Variants in NAV1 observed in about 807,000 individuals in gnomAD.
NAV1 encodes neuron navigator 1.
NAV1 carries 18 observed loss-of-function variants against 175.2 expected under a neutral mutation model. The observed-to-expected ratio is 0.10, with a 90% CI of 0.07 to 0.15. The LOEUF (loss-of-function observed/expected upper bound fraction) is 0.15. Among genes scored for constraint, NAV1 ranks in the 10% least tolerant of loss-of-function variants. The pLI is 1.00. For missense variants in NAV1, 1,731 were observed against 2,436.6 expected (o/e 0.71, Z 6.10); for synonymous variants, 897 against 978.7 (o/e 0.92, Z 1.56).
Position 201,740,189 on chromosome 1 carries a change from G to C in NAV1, c.1226+21434G>C, listed in dbSNP as rs1199644804. On this transcript the variant is annotated intron_variant, in intron 3 of 29. Transcript: ENST00000367296. The surrounding 1 kb of genome is among the most constrained non-coding windows in gnomAD (Gnocchi z 4.7). ...AGTTCCGCCGCAGCTGCAGTCTCAG[G>C]GGCAGTGGGTGTGGGGTCCGCAAGA... The C allele has an allele frequency of 9.1e-6, 8 of 878,156 alleles. No homozygotes were observed. Among genetic ancestry groups the C allele is most frequent in the Non-Finnish European group, 1.3e-5 (8 of 602,938 alleles). The allele number at this position is 878,156 out of a possible 1,614,324, so 54.4% of individuals were successfully genotyped here. A position where few individuals can be genotyped will look rare whatever the true frequency, so the allele number is the denominator to read the frequency against.
Position 201,698,884 on chromosome 1 carries a change from A to G in NAV1, c.758-13933A>G, listed in dbSNP as rs549678644. Among the ~76,000 whole-genome samples, 7 of 152,296 alleles carry G rather than the reference A, an allele frequency of 4.6e-5. No individual in the cohort carries two copies. In the South Asian group the frequency reaches 1.5e-3, roughly 32 times the overall value. ...GTTCTCTTCTGCCGCTAACTCAAAT[A>G]TATATCATCTGGCAAGTCTCTGTCT... On this transcript the variant is annotated intron_variant, in intron 1 of 29. Transcript: ENST00000367296.
chr1:201,794,182 G>A (rs770903357), intron 14 of NAV1: 24 of 640,482 alleles, frequency 3.7e-5, no homozygotes, highest in African/African-American at 2.5e-4. Context: ...ATGGAGTTTC[G>A]TTCTTGTCAC....
chr1:201,609,478 A>G (rs1467356677), intron 2 of NAV1, among the ~76,000 whole-genome samples: 1 of 152,218 alleles, frequency 6.6e-6, no homozygotes, highest in Non-Finnish European at 1.5e-5. Context: ...AGGACCCTTC[A>G]TCCCTTGCCC....
chr1:201,708,383 C>T (rs1274944378), intron 1 of NAV1, among the ~76,000 whole-genome samples: 2 of 151,882 alleles, frequency 1.3e-5, no homozygotes, highest in Non-Finnish European at 1.5e-5. Context: ...TTGGTGTCGC[C>T]CTGGGGCCTG....
At chr1:201,549,089 TTCTTTCTTTCTTTC>T (rs1665755976) in intron 1 of NAV1, among the ~76,000 whole-genome samples, 1 of 106,812 alleles carries the variant, frequency 9.4e-6, no homozygotes, top group South Asian at 3.8e-4. Context: ...CTTTCTTTCT[TTCTTTCTTTCTTTC>T]TTTCTTTCTT....
intron 1 of NAV1, among the ~76,000 whole-genome samples, chr1:201,577,430 C>T (rs1666720031): frequency 6.7e-6 from 1 of 148,812 alleles, no homozygotes; most frequent in African/African-American, 2.5e-5. Context: ...TTTAAACACA[C>T]AATCCATTTG....
rs552853824 is a variant in NAV1, at chr1:201,661,773, CAGCCTGT to C, written c.757+12353_757+12359del. 6.4e-3 allele frequency among the ~76,000 whole-genome samples: 969 copies of C among 152,340 alleles called. 4 individuals carry two copies. Among genetic ancestry groups the C allele is most frequent in the Non-Finnish European group, 9.3e-3 (632 of 68,038 alleles). On this transcript the variant is annotated intron_variant, in intron 1 of 29. Transcript: ENST00000367296. The stretch of plus-strand genomic sequence containing the variant: ...TTTTACTCTCCCCTCCGCTCACCCT[CAGCCTGT>C]AGCCCCTGATTTCTAGACTAGATTT...
rs560143958 is a variant in NAV1, at chr1:201,773,286, C to A, written c.1227-7135C>A. ...CTGGTCTCAAACTCCTGGCCTTAAG[C>A]AATCCTCCCTCCTCAGCCTCCCAAA... On this transcript the variant is annotated intron_variant, in intron 3 of 29. Transcript: ENST00000367296. Among the ~76,000 whole-genome samples, 11 of 152,164 alleles carry A rather than the reference C, an allele frequency of 7.2e-5. No homozygotes were observed. In the East Asian group the frequency reaches 1.7e-3, roughly 24 times the overall value.
chr1:201,576,789 C>T (rs1192499517), intron 1 of NAV1, among the ~76,000 whole-genome samples: 1 of 152,216 alleles, frequency 6.6e-6, no homozygotes, highest in Non-Finnish European at 1.5e-5. Context: ...ATCTCACCAA[C>T]ATTTGGTGTT....
intron 25 of NAV1, 32 bp from the exon 30 acceptor site, chr1:201,811,871 T>C: frequency 6.2e-7 from 1 of 1,613,488 alleles, no homozygotes. Context: ...AAGGCAAGTC[T>C]AAGTGAATCT....
At chr1:201,554,585 A>T (rs1032697234) in intron 1 of NAV1, among the ~76,000 whole-genome samples, 6 of 152,232 alleles carry the variant, frequency 3.9e-5, no homozygotes, top group African/African-American at 1.2e-4. Context: ...ACCGAACAGG[A>T]CTGGATGACT....
At chr1:201,794,061 C>T (rs573553746) in intron 14 of NAV1, 186 bp downstream of exon 18, 3 of 704,442 alleles carry the variant, frequency 4.3e-6, no homozygotes, top group South Asian at 1.5e-5. Flanking sequence ...ATTCCTTGCC[C>T]TTCTCTATCA....
At chr1:201,794,742 T>A (rs1344225776) in intron 15 of NAV1, 165 bp downstream of exon 19, 5 of 660,742 alleles carry the variant, frequency 7.6e-6, no homozygotes. Flanking sequence ...CAGTGAGGAG[T>A]ACCAGGGGCA....
intron 1 of NAV1, among the ~76,000 whole-genome samples, chr1:201,692,128 G>A (rs1482157487): frequency 2.0e-5 from 3 of 152,166 alleles, no homozygotes; most frequent in Admixed American, 6.5e-5. Context: ...GTTATTCAAC[G>A]AGCCTGTGTT....
chr1:201,825,586 T>C (rs1467789094), exon 30 of NAV1: 1 of 152,324 alleles, frequency 6.6e-6, no homozygotes, highest in African/African-American at 2.4e-5. Context: ...CCTCCTCTCT[T>C]TTCCCCACAG....
At chr1:201,705,880 CCA>C (rs10586011) in intron 1 of NAV1, among the ~76,000 whole-genome samples, 110,500 of 151,790 alleles carry the variant, frequency 0.73, 41,510 homozygotes, top group Admixed American at 0.84. Flanking sequence ...CTGCCCCCAG[CCA>C]CACTGTAGGA....
chr1:201,572,315 G>A (rs866527979), intron 1 of NAV1, among the ~76,000 whole-genome samples: 95 of 151,790 alleles, frequency 6.3e-4, no homozygotes, highest in South Asian at 1.3e-3. Flanking sequence ...GGTAGGCCAA[G>A]TTCAAGATTT....
At chr1:201,661,000 G>T (rs1048386291) in intron 1 of NAV1, among the ~76,000 whole-genome samples, 3 of 152,172 alleles carry the variant, frequency 2.0e-5, no homozygotes, top group Non-Finnish European at 4.4e-5. Flanking sequence ...TTGTTGACTT[G>T]TTGACACTGT....
chr1:201,566,369 G>A lies in NAV1; in HGVS notation c.-143-22170G>A, dbSNP rs537405939. 3.3e-5 allele frequency among the ~76,000 whole-genome samples: 5 copies of A among 152,122 alleles called. No individual in the cohort carries two copies. In the South Asian group the frequency reaches 8.3e-4, roughly 25 times the overall value. On this transcript the variant is annotated intron_variant, in intron 1 of 33. Transcript: ENST00000685211. ...GTCACCCACCCCTGGTGCCCTCTCC[G>A]CTTGGCTCCACCAGTACCTAGTGAT...
Sources: allele counts gnomAD v4.1 joint callset (sites outside exome capture counted in the v4.1 genomes callset), GRCh38; gene constraint gnomAD v4.1.1; non-coding constraint Gnocchi (gnomAD v3.1); transcripts MANE v1.5; gene names NCBI Gene and HGNC (gene_info 2026-07-23, HGNC 2026-07-21).